Variants in ARMC8 observed in about 807,000 individuals in gnomAD.
The protein encoded by ARMC8 is armadillo repeat containing 8, also known as armadillo repeat-containing protein 8.
A neutral mutation model predicts 99.3 loss-of-function variants in ARMC8; 20 were observed. That is an observed-to-expected ratio of 0.20 (90% CI 0.14 to 0.29). The LOEUF (loss-of-function observed/expected upper bound fraction) is 0.29, where lower values mean the gene tolerates loss of function less well. Among genes scored for constraint, ARMC8 ranks in the 10% least tolerant of loss-of-function variants. ARMC8 has a pLI of 1.00. For synonymous variants in ARMC8, 263 were observed against 278.3 expected, an observed-to-expected ratio of 0.95 and a Z score of 0.55; for missense variants, 569 against 809.5, an observed-to-expected ratio of 0.70 and a Z score of 3.60.
At chr3:138,227,738 T>A (rs2045768786) in intron 5 of ARMC8, among the ~76,000 whole-genome samples, 1 of 152,230 alleles carries the variant, frequency 6.6e-6, no homozygotes, top group African/African-American at 2.4e-5. Context: ...CAAAGTATGG[T>A]CTGTGGACCA....
Position 138,223,643 on chromosome 3 carries a change from G to C in ARMC8, c.345G>C (p.Leu115=). ...HIIPALLQGL[L]SPDLKFIEAC... ...TCTCATTTCTGTTAATAGGACTACT[G>C]TCCCCAGACCTGAAGTTTATTGAAG... Residue 115 remains leucine, a synonymous_variant, in exon 5 of 22, where the codon CTG becomes CTC. Transcript: ENST00000469044. The C allele has an allele frequency of 6.2e-7, 1 of 1,614,138 alleles. No individual in the cohort carries two copies. Among genetic ancestry groups the C allele is most frequent in the Non-Finnish European group, 8.5e-7 (1 of 1,179,988 alleles).
At chr3:138,241,683 A>G in intron 10 of ARMC8, 100 bp from the exon 11 acceptor site, 1 of 1,019,192 alleles carries the variant, frequency 9.8e-7, no homozygotes. Flanking sequence ...TATGATCATA[A>G]ACATTACTCC....
chr3:138,221,865 A>T, intron 2 of ARMC8, 61 bp from the exon 3 acceptor site: 4 of 1,280,118 alleles, frequency 3.1e-6, no homozygotes, highest in Non-Finnish European at 4.5e-6. Flanking sequence ...AAGTAGAATG[A>T]TCTTTGATTT....
intron 1 of ARMC8, chr3:138,188,347 G>T: frequency 9.6e-6 from 13 of 1,354,796 alleles, no homozygotes; most frequent in Non-Finnish European, 1.3e-5. Flanking sequence ...TGAAAGAAGG[G>T]AACGTATTGA....
At chr3:138,207,243 C>T (rs1011742773) in intron 1 of ARMC8, among the ~76,000 whole-genome samples, 1 of 152,212 alleles carries the variant, frequency 6.6e-6, no homozygotes, top group Non-Finnish European at 1.5e-5. Flanking sequence ...CAAATGTCCT[C>T]CTCAGTGCCG....
intron 3 of ARMC8, among the ~76,000 whole-genome samples, chr3:138,223,166 T>C (rs1053818445): frequency 2.0e-5 from 3 of 152,242 alleles, no homozygotes; most frequent in Non-Finnish European, 4.4e-5. Flanking sequence ...TTTACACTTT[T>C]TATAAACTCT....
At chr3:138,211,262 TACTC>T (rs1418141288) in intron 2 of ARMC8, among the ~76,000 whole-genome samples, 4 of 152,194 alleles carry the variant, frequency 2.6e-5, no homozygotes, top group African/African-American at 7.2e-5. Context: ...TACTTAAAAT[TACTC>T]AATAAATGGT....
intron 5 of ARMC8, among the ~76,000 whole-genome samples, chr3:138,228,261 T>G (rs887056216): frequency 2.6e-5 from 4 of 152,244 alleles, no homozygotes; most frequent in African/African-American, 9.6e-5. Flanking sequence ...ATTACAGGCA[T>G]GAGCCACCGC....
chr3:138,237,442 A>G (rs1001352819), intron 8 of ARMC8, 40 bp from the exon 9 acceptor site: 6 of 1,610,956 alleles, frequency 3.7e-6, no homozygotes, highest in African/African-American at 2.7e-5. Flanking sequence ...TTTTAGATTT[A>G]AAGAATTTCC....
At chr3:138,244,646 C>G (rs1001267198) in intron 11 of ARMC8, among the ~76,000 whole-genome samples, 1 of 152,180 alleles carries the variant, frequency 6.6e-6, no homozygotes, top group African/African-American at 2.4e-5. Flanking sequence ...TTAAGGGAAC[C>G]CTCCTAAAGA....
intron 15 of ARMC8, among the ~76,000 whole-genome samples, chr3:138,269,097 C>T (rs2048545972): frequency 6.6e-6 from 1 of 152,160 alleles, no homozygotes; most frequent in Non-Finnish European, 1.5e-5. Flanking sequence ...GATAAATTAA[C>T]AATGGCAAAT....
chr3:138,265,891 G>A (rs1013884444), intron 14 of ARMC8, among the ~76,000 whole-genome samples: 9 of 152,182 alleles, frequency 5.9e-5, no homozygotes, highest in African/African-American at 1.7e-4. Flanking sequence ...CTGGAATAAA[G>A]CAGTAGGAGT....
intron 12 of ARMC8, among the ~76,000 whole-genome samples, chr3:138,257,404 T>C (rs1327135628): frequency 6.6e-6 from 1 of 152,196 alleles, no homozygotes; most frequent in Non-Finnish European, 1.5e-5. Context: ...AAGTATCCTG[T>C]GGTCGTCTTA....
rs200184954 is a variant in ARMC8, at chr3:138,264,131, A to G, written c.1218A>G (p.Arg406=). Residue 406 remains arginine, a splice_region_variant and synonymous_variant, in exon 14 of 22, where the codon AGA becomes AGG. Transcript: ENST00000469044. ...AGCTAATTTTGATTATTCTTTGTAG[A>G]TGTTTGCACAGTTTATCCAGATCTG... ...SSVKVRLAAV[R]CLHSLSRSVQ... The G allele has an allele frequency of 1.4e-5, 23 of 1,610,702 alleles. No homozygotes were observed. The highest frequency in any genetic ancestry group is 1.6e-4 in the Middle Eastern group (1 of 6,074).
chr3:138,253,712 C>G (rs186209642), intron 12 of ARMC8, among the ~76,000 whole-genome samples: 7 of 152,330 alleles, frequency 4.6e-5, no homozygotes, highest in East Asian at 1.9e-4. Flanking sequence ...GTACACTCAT[C>G]ATGTAACATT....
chr3:138,228,621 T>C, intron 5 of ARMC8: 1 of 457,540 alleles, frequency 2.2e-6, no homozygotes, highest in Non-Finnish European at 4.3e-6. Context: ...CTGATTTCTG[T>C]CACTTCTTAT....
intron 12 of ARMC8, among the ~76,000 whole-genome samples, chr3:138,258,551 T>G (rs1283835165): frequency 2.0e-5 from 3 of 152,182 alleles, no homozygotes; most frequent in Admixed American, 6.5e-5. Flanking sequence ...TTATCTGGAT[T>G]CTGCATTTTC....
intron 12 of ARMC8, among the ~76,000 whole-genome samples, chr3:138,262,829 A>G (rs1029814958): frequency 2.0e-5 from 3 of 152,168 alleles, no homozygotes; most frequent in African/African-American, 7.2e-5. Context: ...CAAGAGGACT[A>G]CCTTAACCAG....
At chr3:138,253,826 C>T (rs534275978) in intron 12 of ARMC8, among the ~76,000 whole-genome samples, 2 of 152,264 alleles carry the variant, frequency 1.3e-5, no homozygotes, top group South Asian at 4.2e-4. Context: ...GTAGTAATTC[C>T]AGAGCCTCAT....
Sources: gnomAD v4.1 joint callset for allele counts (sites outside exome capture counted in the v4.1 genomes callset) on GRCh38, gnomAD v4.1.1 for gene constraint, MANE v1.5 for transcripts, NCBI Gene and HGNC (gene_info 2026-07-23, HGNC 2026-07-21) for gene names.